Variants in CLIP1 observed in about 807,000 individuals in gnomAD.
CLIP1 encodes the protein CAP-Gly domain containing linker protein 1.
A neutral mutation model predicts 161.6 loss-of-function variants in CLIP1; 66 were observed. The ratio of observed to expected loss-of-function variants is 0.41; its 90% CI spans 0.33 to 0.50. CLIP1 has a LOEUF of 0.50. Among genes scored for constraint, CLIP1 ranks in the 20% least tolerant of loss-of-function variants. The pLI is 0.27. For missense variants in CLIP1, 1,376 were observed against 1,702.0 expected, an observed-to-expected ratio of 0.81 and a Z score of 3.37; for synonymous variants, 598 against 626.2, an observed-to-expected ratio of 0.96 and a Z score of 0.67.
intron 3 of CLIP1, among the ~76,000 whole-genome samples, chr12:122,372,525 T>C (rs2136714732): frequency 6.6e-6 from 1 of 150,744 alleles, no homozygotes; most frequent in African/African-American, 2.4e-5. Flanking sequence ...GGGCAGAGGA[T>C]GCAGTGAACT....
In CLIP1 at chr12:122,309,741, C is replaced by G. The variant is rs575218302; in HGVS notation, c.3594+21G>C. The stretch of plus-strand genomic sequence containing the variant: ...GCACCCAGCATGGCACAGCTGGAAC[C>G]CCTCGCCAAAGGACACTGACCTTTT... On this transcript the variant is annotated intron_variant, in intron 20 of 25. Transcript: ENST00000620786. The G allele has an allele frequency of 1.1e-5, 17 of 1,611,904 alleles. No homozygotes were observed. In the East Asian group the frequency reaches 3.6e-4, roughly 34 times the overall value.
chr12:122,319,456 G>C (rs548270522), intron 17 of CLIP1, 108 bp from the exon 18 acceptor site: 2 of 770,114 alleles, frequency 2.6e-6, no homozygotes, highest in East Asian at 5.0e-5. Flanking sequence ...TGTGGGTAAG[G>C]GAGGCACACA....
intron 20 of CLIP1, among the ~76,000 whole-genome samples, chr12:122,288,808 CTTTTTT>C (rs200069106): frequency 8.7e-6 from 1 of 114,450 alleles, no homozygotes; most frequent in Non-Finnish European, 1.7e-5. Flanking sequence ...CGAAGCACAT[CTTTTTT>C]TTTTTTTTTT....
At chr12:122,341,950 A>C (rs1952532542) in intron 10 of CLIP1, 1 of 242,666 alleles carries the variant, frequency 4.1e-6, no homozygotes, top group Non-Finnish European at 7.9e-6. Flanking sequence ...CACCCAGCTA[A>C]TTTTTGCATT....
chr12:122,348,628 T>C (rs909044366), intron 9 of CLIP1, among the ~76,000 whole-genome samples: 3 of 152,198 alleles, frequency 2.0e-5, no homozygotes, highest in African/African-American at 7.2e-5. Flanking sequence ...GGTCCAAATG[T>C]ACCTCTTCCC....
At chr12:122,366,242 G>T (rs902394272) in intron 3 of CLIP1, among the ~76,000 whole-genome samples, 2 of 151,870 alleles carry the variant, frequency 1.3e-5, no homozygotes, top group Non-Finnish European at 1.5e-5. Context: ...GGGAAGCGGA[G>T]GTTGCAATGA....
rs1263109509 is a variant in CLIP1 at position 122,401,166 on chromosome 12, C to T, written c.-106-20608G>A. Among the ~76,000 whole-genome samples, 3 of 152,180 alleles carry T rather than the reference C, an allele frequency of 2.0e-5. No individual in the cohort carries two copies. In the East Asian group the frequency reaches 5.8e-4, roughly 29 times the overall value. On this transcript the variant is annotated intron_variant, in intron 1 of 25. Transcript: ENST00000620786. ...CCTCAGGTGATCCGCCCGTCTTGGC[C>T]TCCCAAAGTGCTGGGATTACAGACA... is the stretch of plus-strand genomic sequence containing the variant.
chr12:122,421,765 A>G (rs971468376), intron 1 of CLIP1, among the ~76,000 whole-genome samples: 5 of 152,342 alleles, frequency 3.3e-5, no homozygotes, highest in African/African-American at 1.2e-4. Context: ...CCCCCGAATC[A>G]AAACCCGATT....
chr12:122,381,779 G>A (rs1162791237), intron 1 of CLIP1, among the ~76,000 whole-genome samples: 2 of 152,186 alleles, frequency 1.3e-5, no homozygotes. Flanking sequence ...TCCAGCGGAT[G>A]GAACAGTGCC....
rs147915878 is a variant in CLIP1, at chr12:122,319,398, C to T, written c.3250-50G>A. 1.0e-3 allele frequency: 1,407 copies of T among 1,387,362 alleles called. 1 individual carries two copies. The highest frequency in any genetic ancestry group is 1.3e-3 in the Non-Finnish European group (1,229 of 973,764). The allele number at this position is 1,387,362 out of a possible 1,614,324, so 85.9% of individuals were successfully genotyped here. A position where few individuals can be genotyped will look rare whatever the true frequency, so the allele number is the denominator to read the frequency against. ...AAATGAGGACAGCCCTCGCCAACAC[C>T]GTTAGGTGAGGATCGGGCTGTGCTG... On this transcript the variant is annotated intron_variant, in intron 17 of 25. Coordinates refer to ENST00000620786, the MANE Select transcript of CLIP1 (RefSeq NM_001247997.2).
intron 3 of CLIP1, among the ~76,000 whole-genome samples, chr12:122,371,517 AAAGG>A (rs769122141): frequency 2.1e-4 from 32 of 152,336 alleles, no homozygotes; most frequent in Non-Finnish European, 3.8e-4. Flanking sequence ...GAGTTTAGGC[AAAGG>A]AACAGCATCA....
chr12:122,361,119 C>G lies in CLIP1; in HGVS notation c.845G>C (p.Gly282Ala), dbSNP rs1483100801. 1 of 1,614,230 alleles carries G rather than the reference C, an allele frequency of 6.2e-7. No homozygotes were observed. The highest frequency in any genetic ancestry group is 1.1e-5 in the South Asian group (1 of 91,088). ...FAPVHKVTKI[G>A]FPSTTPAKAK... ...TTTGGCTGGTGTAGTGGAAGGGAAG[C>G]CAATCTTGGTAACTTTGTGGACAGG... Residue 282 changes from glycine to alanine, a missense_variant, in exon 5 of 26, where the codon GGC (glycine) becomes GCC (alanine). Coordinates refer to ENST00000620786, the MANE Select transcript of CLIP1 (RefSeq NM_001247997.2).
chr12:122,377,036 G>A (rs1954771262), intron 3 of CLIP1, among the ~76,000 whole-genome samples: 1 of 148,758 alleles, frequency 6.7e-6, no homozygotes, highest in Non-Finnish European at 1.5e-5. Flanking sequence ...TTGAGACAGA[G>A]TCTCACTCTC....
chr12:122,317,723 A>C (rs1951326452), intron 18 of CLIP1, among the ~76,000 whole-genome samples: 1 of 152,238 alleles, frequency 6.6e-6, no homozygotes, highest in Non-Finnish European at 1.5e-5. Flanking sequence ...ACATGCCACC[A>C]GTCAGGAGTC....
At chr12:122,330,597 GTT>G (rs71082966) in intron 15 of CLIP1, among the ~76,000 whole-genome samples, 3 of 101,378 alleles carry the variant, frequency 3.0e-5, no homozygotes, top group African/African-American at 1.3e-4. Context: ...GTATAATGCA[GTT>G]TTTTTTTTTT....
At chr12:122,327,815 C>A in intron 17 of CLIP1, 132 bp downstream of exon 17, 1 of 704,478 alleles carries the variant, frequency 1.4e-6, no homozygotes, top group Non-Finnish European at 2.4e-6. Context: ...CCCTGCCACG[C>A]ACTCAGAAGG....
intron 15 of CLIP1, among the ~76,000 whole-genome samples, chr12:122,331,017 A>AT (rs1400308552): frequency 8.1e-5 from 12 of 147,972 alleles, no homozygotes; most frequent in African/African-American, 3.0e-4. Context: ...TTTATTATTT[A>AT]TTTATTTTTT....
In CLIP1 at chr12:122,351,014, T is replaced by C. The variant is rs764636116; in HGVS notation, c.1401+97A>G. On this transcript the variant is annotated intron_variant, in intron 9 of 25. Transcript: ENST00000620786. ...TTAAGGTCAATGTCCCAAGGTCAGA[T>C]TATGCAGTTAGTGTTTGAGTATATC... 11 of 885,496 alleles carry C rather than the reference T, an allele frequency of 1.2e-5. No homozygotes were observed. In the East Asian group the frequency reaches 2.6e-4, roughly 21 times the overall value. The allele number at this position is 885,496 out of a possible 1,614,324, so 54.9% of individuals were successfully genotyped here. A position where few individuals can be genotyped will look rare whatever the true frequency, so the allele number is the denominator to read the frequency against.
At position 122,351,092 on chromosome 12, in the gene CLIP1, C is replaced by A; in HGVS notation, c.1401+19G>T. ...TTTGTTAACAAGGGAAATATCCACACAGTTAAGTGCCCTCTTACATTCTCA... is the reference window on the plus strand; with the variant it reads ...TTTGTTAACAAGGGAAATATCCACAAAGTTAAGTGCCCTCTTACATTCTCA... On this transcript the variant is annotated intron_variant, in intron 9 of 25. Transcript: ENST00000620786. The A allele has an allele frequency of 6.5e-7, 1 of 1,532,990 alleles. No homozygotes were observed. The highest frequency in any genetic ancestry group is 8.8e-7 in the Non-Finnish European group (1 of 1,139,352). The allele number at this position is 1,532,990 out of a possible 1,614,324, so 95.0% of individuals were successfully genotyped here. A position where few individuals can be genotyped will look rare whatever the true frequency, so the allele number is the denominator to read the frequency against.
Sources: gnomAD v4.1 joint callset for allele counts (sites outside exome capture counted in the v4.1 genomes callset) on GRCh38, gnomAD v4.1.1 for gene constraint, MANE v1.5 for transcripts, NCBI Gene and HGNC (gene_info 2026-07-23, HGNC 2026-07-21) for gene names.